Variants in SLC25A21 observed in about 807,000 individuals in gnomAD.
SLC25A21 encodes solute carrier family 25 member 21.
In SLC25A21, 47 loss-of-function variants were observed where a neutral mutation model predicts 43.8. That is an observed-to-expected ratio of 1.07 (90% CI 0.85 to 1.37). The LOEUF (loss-of-function observed/expected upper bound fraction) is 1.37, where lower values mean the gene tolerates loss of function less well. Ranked by LOEUF, SLC25A21 falls within the 40% of genes most tolerant of loss-of-function variation. SLC25A21 has a pLI of 0.00. For synonymous variants in SLC25A21, 131 were observed against 121.3 expected, an observed-to-expected ratio of 1.08 and a Z score of -0.52; for missense variants, 352 against 350.2, an observed-to-expected ratio of 1.00 and a Z score of -0.04.
At chr14:36,698,492 A>G (rs944870293) in intron 7 of SLC25A21, among the ~76,000 whole-genome samples, 3 of 152,226 alleles carry the variant, frequency 2.0e-5, no homozygotes, top group Non-Finnish European at 4.4e-5. Context: ...CTCCTGAATA[A>G]TATCGTGAAG....
intron 3 of SLC25A21, among the ~76,000 whole-genome samples, chr14:36,789,038 CTTG>C (rs1020707283): frequency 3.3e-5 from 5 of 152,056 alleles, no homozygotes; most frequent in African/African-American, 1.2e-4. Flanking sequence ...CTAATGTCTC[CTTG>C]TTGTTTTTGT....
At chr14:37,110,664 C>T (rs905341821) in intron 1 of SLC25A21, among the ~76,000 whole-genome samples, 2 of 152,130 alleles carry the variant, frequency 1.3e-5, no homozygotes, top group Non-Finnish European at 2.9e-5. Context: ...ACCTCCCCAG[C>T]ACTATAACTT....
chr14:37,002,965 AG>A (rs1960520337), intron 1 of SLC25A21, among the ~76,000 whole-genome samples: 2 of 152,216 alleles, frequency 1.3e-5, no homozygotes, highest in African/African-American at 4.8e-5. Flanking sequence ...TCCTCTTCTT[AG>A]GGTATACCCA....
intron 1 of SLC25A21, among the ~76,000 whole-genome samples, chr14:37,060,117 T>C (rs28517624): frequency 0.21 from 31,941 of 151,404 alleles, 7,805 homozygotes; most frequent in African/African-American, 0.6. Context: ...TGTGACGGTA[T>C]TAGGAGGTAG....
At chr14:37,011,213 A>C (rs1445000292) in intron 1 of SLC25A21, among the ~76,000 whole-genome samples, 1 of 151,988 alleles carries the variant, frequency 6.6e-6, no homozygotes, top group Non-Finnish European at 1.5e-5. Context: ...TGTAAAGATG[A>C]ATTCTTGTTA....
At chr14:36,733,205 A>G (rs938898701) in intron 4 of SLC25A21, among the ~76,000 whole-genome samples, 2 of 152,224 alleles carry the variant, frequency 1.3e-5, no homozygotes, top group African/African-American at 4.8e-5. Flanking sequence ...ATATTATTCC[A>G]TGCAGACAAA....
intron 7 of SLC25A21, among the ~76,000 whole-genome samples, chr14:36,703,690 T>A (rs973945265): frequency 6.6e-6 from 1 of 152,196 alleles, no homozygotes; most frequent in African/African-American, 2.4e-5. Context: ...ATTTTATTTA[T>A]GGAAACATAT....
chr14:36,769,778 A>G (rs755521953), intron 3 of SLC25A21, among the ~76,000 whole-genome samples: 2 of 152,190 alleles, frequency 1.3e-5, no homozygotes, highest in African/African-American at 2.4e-5. Context: ...TGAAACCTCA[A>G]ATGTCACTGA....
At chr14:36,761,098 G>A (rs1384778862) in intron 3 of SLC25A21, among the ~76,000 whole-genome samples, 1 of 152,104 alleles carries the variant, frequency 6.6e-6, no homozygotes, top group Non-Finnish European at 1.5e-5. Context: ...CCTTTCATCT[G>A]GGGCCTCTAA....
At chr14:36,846,306 C>G (rs1479087789) in intron 2 of SLC25A21, among the ~76,000 whole-genome samples, 1 of 152,168 alleles carries the variant, frequency 6.6e-6, no homozygotes, top group Middle Eastern at 3.2e-3. Context: ...TATCCCTGAT[C>G]CATAAGAATC....
chr14:36,744,247 A>G (rs957768983), intron 3 of SLC25A21, among the ~76,000 whole-genome samples: 2 of 152,234 alleles, frequency 1.3e-5, no homozygotes, highest in Admixed American at 6.5e-5. Context: ...CTAAGCAAAA[A>G]GAATAAATTT....
At chr14:37,083,975 A>C (rs1962436665) in intron 1 of SLC25A21, among the ~76,000 whole-genome samples, 2 of 152,174 alleles carry the variant, frequency 1.3e-5, no homozygotes, top group Admixed American at 6.5e-5. Context: ...GGTTAGTTAA[A>C]ATTCAACTCT....
intron 6 of SLC25A21, among the ~76,000 whole-genome samples, chr14:36,712,177 C>T (rs1883907616): frequency 1.3e-5 from 2 of 149,230 alleles, no homozygotes; most frequent in African/African-American, 2.6e-5. Context: ...TCCAGTCTGG[C>T]TGAAGAGCTC....
chr14:37,142,071 G>C (rs1316788836), intron 1 of SLC25A21, among the ~76,000 whole-genome samples: 2 of 152,138 alleles, frequency 1.3e-5, no homozygotes, highest in African/African-American at 4.8e-5. Context: ...AGTCTTGTAG[G>C]GGAGATTAAT....
chr14:37,136,264 TGA>T (rs1369689774), intron 1 of SLC25A21, among the ~76,000 whole-genome samples: 1 of 152,240 alleles, frequency 6.6e-6, no homozygotes, highest in African/African-American at 2.4e-5. Context: ...TGTCAAATTA[TGA>T]GTTTATCTCA....
chr14:37,048,170 C>T (rs912774329), intron 1 of SLC25A21, among the ~76,000 whole-genome samples: 175 of 152,232 alleles, frequency 1.1e-3, no homozygotes, highest in African/African-American at 4.0e-3. Flanking sequence ...CCATTCCTCC[C>T]TCAACATATC....
chr14:36,831,163 A>G (rs1889025896), intron 2 of SLC25A21, among the ~76,000 whole-genome samples: 2 of 152,254 alleles, frequency 1.3e-5, no homozygotes, highest in African/African-American at 2.4e-5. Flanking sequence ...GTCACTAGCC[A>G]CAGGTGGCTA....
At chr14:36,698,298 G>T (rs1367756896) in intron 7 of SLC25A21, among the ~76,000 whole-genome samples, 1 of 152,162 alleles carries the variant, frequency 6.6e-6, no homozygotes, top group Non-Finnish European at 1.5e-5. Context: ...AATATGATGG[G>T]CTTCCTTTTC....
chr14:36,758,100 C>A (rs1886002517), intron 3 of SLC25A21, among the ~76,000 whole-genome samples: 2 of 152,228 alleles, frequency 1.3e-5, no homozygotes, highest in African/African-American at 2.4e-5. Flanking sequence ...TGAAAGCACA[C>A]CGCAGCCACT....
Sources: gnomAD v4.1 joint callset for allele counts (sites outside exome capture counted in the v4.1 genomes callset) on GRCh38, gnomAD v4.1.1 for gene constraint, MANE v1.5 for transcripts, NCBI Gene and HGNC (gene_info 2026-07-23, HGNC 2026-07-21) for gene names.